The following TBC1D24 variants were observed in gnomAD, a reference collection of about 807,000 sequenced individuals.
The protein encoded by TBC1D24 is TBC1 domain family member 24.
TBC1D24 carries 47 observed loss-of-function variants against 50.7 expected under a neutral mutation model. That is an observed-to-expected ratio of 0.93 (90% CI 0.73 to 1.18). The LOEUF is 1.18. Among genes scored for constraint, TBC1D24 ranks in the 50% most tolerant of loss-of-function variants. The probability of loss-of-function intolerance (pLI) is 0.00; values close to 1 mark genes in which losing one functional copy is unlikely to be tolerated. For missense variants in TBC1D24, 688 were observed against 766.5 expected (o/e 0.90, Z 1.21); for synonymous variants, 324 against 335.2 (o/e 0.97, Z 0.36).
intron 1 of TBC1D24, among the ~76,000 whole-genome samples, chr16:2,488,526 G>A (rs182294757): frequency 0.014 from 1,775 of 129,616 alleles, 35 homozygotes; most frequent in African/African-American, 0.047. Flanking sequence ...TTTTTTGTGG[G>A]ATGGAGTCTC....
At chr16:2,494,391 G>A (rs1458437781) in intron 1 of TBC1D24, among the ~76,000 whole-genome samples, 2 of 149,434 alleles carry the variant, frequency 1.3e-5, no homozygotes, top group Non-Finnish European at 3.0e-5. Context: ...CAGCCCGTGC[G>A]ACAGTGCAAG....
At position 2,499,514 on chromosome 16, in the gene TBC1D24, TA is replaced by T; in HGVS notation, c.1206+95del. ...GCTGGCTCTGATGGGCTTCAGGGCCTAGGCCTCCTGGGCCAGATCCAGAGTC... is the reference window on the plus strand; with the variant it reads ...GCTGGCTCTGATGGGCTTCAGGGCCTGGCCTCCTGGGCCAGATCCAGAGTC... On this transcript the variant is annotated intron_variant, in intron 5 of 7. Coordinates refer to ENST00000646147, the MANE Select transcript of TBC1D24 (RefSeq NM_001199107.2). This position sits in a 1 kb window ranked among gnomAD's most constrained non-coding sequence, Gnocchi z 4.0. 1.7e-6 allele frequency: 2 copies of T among 1,158,460 alleles called. No individual in the cohort carries two copies. The highest frequency in any genetic ancestry group is 2.5e-6 in the Non-Finnish European group (2 of 787,890). 71.8% of individuals were successfully genotyped at this position (1,158,460 alleles called of 1,614,324 possible). A position where few individuals can be genotyped will look rare whatever the true frequency, so the allele number is the denominator to read the frequency against.
At position 2,486,863 on chromosome 16, in the gene TBC1D24, C is replaced by T. The variant is rs2141859752; in HGVS notation, c.-115-9171C>T. On this transcript the variant is annotated intron_variant, in intron 1 of 7. Coordinates refer to ENST00000646147, the MANE Select transcript of TBC1D24 (RefSeq NM_001199107.2). This position sits in a 1 kb window ranked among gnomAD's most constrained non-coding sequence, Gnocchi z 5.8. Reference sequence around the variant, plus strand: ...TGGCCTGGGCTCTGACTGCCACTGTCAGGCCACGGTCCTGTGGGATCCAAC... The same window carrying T: ...TGGCCTGGGCTCTGACTGCCACTGTTAGGCCACGGTCCTGTGGGATCCAAC... Among the ~76,000 whole-genome samples the T allele has an allele frequency of 6.6e-6, 1 of 152,370 alleles. No individual in the cohort carries two copies. The highest frequency in any genetic ancestry group is 2.4e-5 in the African/African-American group (1 of 41,592).
intron 1 of TBC1D24, among the ~76,000 whole-genome samples, chr16:2,476,202 C>A (rs955456843): frequency 6.6e-6 from 1 of 152,208 alleles, no homozygotes; most frequent in Non-Finnish European, 1.5e-5. Flanking sequence ...GCACGTGGGC[C>A]GTTTCCTCCA....
rs2065815043 is a variant in TBC1D24 at position 2,504,022 on chromosome 16, C to T, written c.*3064C>T. 1.3e-5 allele frequency: 2 copies of T among 152,100 alleles called. No homozygotes were observed. The highest frequency in any genetic ancestry group is 2.9e-5 in the Non-Finnish European group (2 of 68,010). 9.4% of individuals were successfully genotyped at this position (152,100 alleles called of 1,614,324 possible). On this transcript the variant is annotated 3_prime_UTR_variant, in exon 8 of 8. Coordinates refer to ENST00000646147, the MANE Select transcript of TBC1D24 (RefSeq NM_001199107.2). ...CAGAAAATCAGTTTAAGCAAAAGAACTTATGAGAGTAAGTCATTTGTACTT... is the reference window on the plus strand; with the variant it reads ...CAGAAAATCAGTTTAAGCAAAAGAATTTATGAGAGTAAGTCATTTGTACTT...
At chr16:2,484,556 T>C (rs1221349125) in intron 1 of TBC1D24, 2 of 152,470 alleles carry the variant, frequency 1.3e-5, no homozygotes, top group South Asian at 2.1e-4. Flanking sequence ...GACCTCACTG[T>C]CAGGTGACCG....
intron 1 of TBC1D24, among the ~76,000 whole-genome samples, chr16:2,488,233 A>AT (rs1191055102): frequency 6.6e-6 from 1 of 152,084 alleles, no homozygotes. Context: ...TGGAGTGAGG[A>AT]CATAGGCTGC....
In TBC1D24 at chr16:2,499,402, C is replaced by G. The variant is rs1387751971; in HGVS notation, c.1188C>G (p.Ile396Met). ...CEGHEPTLLL[I>M]KTTQKEVCGA... ...GACATGAGCCTACCCTCTTGCTCAT[C>G]AAGACCACGCAGAAGGAGGTGAGCA... Residue 396 changes from isoleucine (I) to methionine (M), a missense_variant, in exon 5 of 8, where the codon ATC (isoleucine) becomes ATG (methionine). Physicochemically the swap from Ile to Met is conservative, Grantham distance 10. Transcript: ENST00000646147. This position sits in a 1 kb window ranked among gnomAD's most constrained non-coding sequence, Gnocchi z 4.0. 4.3e-6 allele frequency: 7 copies of G among 1,613,556 alleles called. No individual in the cohort carries two copies. Among genetic ancestry groups the G allele is most frequent in the Non-Finnish European group, 5.9e-6 (7 of 1,179,900 alleles).
At position 2,502,259 on chromosome 16, in the gene TBC1D24, CCTT is replaced by C. The variant is rs960086338; in HGVS notation, c.*1302_*1304del. On this transcript the variant is annotated 3_prime_UTR_variant, in exon 8 of 8. Transcript: ENST00000646147. ...GGGCACTATAGGGGGCAGCCCCCTG[CCTT>C]GTGACCTCCCTCCATGCCCCATGAC... 10 of 152,416 alleles carry C rather than the reference CCTT, an allele frequency of 6.6e-5. No individual in the cohort carries two copies. The highest frequency in any genetic ancestry group is 2.2e-4 in the African/African-American group (9 of 41,474). 9.4% of individuals were successfully genotyped at this position (152,416 alleles called of 1,614,324 possible). A position where few individuals can be genotyped will look rare whatever the true frequency, so the allele number is the denominator to read the frequency against.
Position 2,500,358 on chromosome 16 carries a change from G to C in TBC1D24, c.1393G>C (p.Ala465Pro). 1.9e-6 allele frequency: 3 copies of C among 1,608,948 alleles called. No individual in the cohort carries two copies. The highest frequency in any genetic ancestry group is 2.5e-6 in the Non-Finnish European group (3 of 1,178,370). Reference sequence around the variant, plus strand: ...ACCCTTGATGGCTGCCGAGCCCACCGCCCCACTCAGCCACTCCGCCTCCTC... The same window carrying C: ...ACCCTTGATGGCTGCCGAGCCCACCCCCCCACTCAGCCACTCCGCCTCCTC... ...PPPLMAAEPT[A>P]PLSHSASSDP... Residue 465 changes from alanine (A) to proline (P), a missense_variant, in exon 7 of 8, where the codon GCC becomes CCC. Physicochemically the swap from Ala to Pro is conservative, Grantham distance 27 (BLOSUM62 -1). Coordinates refer to ENST00000646147, the MANE Select transcript of TBC1D24 (RefSeq NM_001199107.2). The surrounding 1 kb of genome is among the most constrained non-coding windows in gnomAD (Gnocchi z 8.0).
intron 1 of TBC1D24, 77 bp from the exon 2 acceptor site, chr16:2,495,957 C>A (rs996526840): frequency 1.4e-6 from 1 of 738,410 alleles, no homozygotes; most frequent in Non-Finnish European, 2.2e-6. Flanking sequence ...GAAAACTACA[C>A]CACATTTGAA....
rs1275607877 is a variant in TBC1D24, at chr16:2,483,494, G to A, written c.-116+8324G>A. On this transcript the variant is annotated intron_variant, in intron 1 of 7. Coordinates refer to ENST00000646147, the MANE Select transcript of TBC1D24 (RefSeq NM_001199107.2). The surrounding 1 kb of genome is among the most constrained non-coding windows in gnomAD (Gnocchi z 4.0). ...GGAGTCACAGCTCCGAGTGGGAGGA[G>A]GGCGCTGAGGGCTCTAGGAGAGGGT... is the stretch of plus-strand genomic sequence containing the variant. 1 of 152,536 alleles carries A rather than the reference G, an allele frequency of 6.6e-6. No individual in the cohort carries two copies. The highest frequency in any genetic ancestry group is 2.4e-5 in the African/African-American group (1 of 41,446). 9.4% of individuals were successfully genotyped at this position (152,536 alleles called of 1,614,324 possible).
At position 2,499,502 on chromosome 16, in the gene TBC1D24, G is replaced by C; in HGVS notation, c.1206+82G>C. The C allele has an allele frequency of 7.7e-7, 1 of 1,300,244 alleles. No homozygotes were observed. The highest frequency in any genetic ancestry group is 1.1e-6 in the Non-Finnish European group (1 of 912,356). The allele number at this position is 1,300,244 out of a possible 1,614,324, so 80.5% of individuals were successfully genotyped here. ...ATGGGCTCCAGGGCTGGCTCTGATG[G>C]GCTTCAGGGCCTAGGCCTCCTGGGC... On this transcript the variant is annotated intron_variant, in intron 5 of 7. Transcript: ENST00000646147. The surrounding 1 kb of genome is among the most constrained non-coding windows in gnomAD (Gnocchi z 4.0).
chr16:2,475,505 G>A lies in TBC1D24; in HGVS notation c.-116+335G>A, dbSNP rs987916798. ...GTGACTGTGTCACTGTTTCCTTGGGGCGCTTTCCGTCTCCGCAGGGTCGGA... is the reference window on the plus strand; with the variant it reads ...GTGACTGTGTCACTGTTTCCTTGGGACGCTTTCCGTCTCCGCAGGGTCGGA... On this transcript the variant is annotated intron_variant, in intron 1 of 7. Coordinates refer to ENST00000646147, the MANE Select transcript of TBC1D24 (RefSeq NM_001199107.2). This position sits in a 1 kb window ranked among gnomAD's most constrained non-coding sequence, Gnocchi z 4.2. 4.6e-5 allele frequency among the ~76,000 whole-genome samples: 7 copies of A among 152,004 alleles called. No individual in the cohort carries two copies. Among genetic ancestry groups the A allele is most frequent in the African/African-American group, 1.4e-4 (6 of 41,412 alleles).
At chr16:2,477,621 A>G (rs1258540003) in intron 1 of TBC1D24, 3 of 152,288 alleles carry the variant, frequency 2.0e-5, no homozygotes, top group Non-Finnish European at 2.9e-5. Context: ...AGGAGGCACC[A>G]TGCCGTGTGT....
rs561918188 is a variant in TBC1D24, at chr16:2,505,361, C to T, written c.*4403C>T. 6.6e-6 allele frequency: 1 copy of T among 152,270 alleles called. No individual in the cohort carries two copies. The highest frequency in any genetic ancestry group is 6.5e-5 in the Admixed American group (1 of 15,282). The allele number at this position is 152,270 out of a possible 1,614,324, so 9.4% of individuals were successfully genotyped here. A position where few individuals can be genotyped will look rare whatever the true frequency, so the allele number is the denominator to read the frequency against. ...AATTTGTCAACACCTTTTCTTGGGA[C>T]CAAGGAAGCAAAGTCAGTGGATACC... On this transcript the variant is annotated 3_prime_UTR_variant, in exon 8 of 8. Transcript: ENST00000646147.
At position 2,496,552 on chromosome 16, in the gene TBC1D24, C is replaced by T. The variant is rs1057519630; in HGVS notation, c.404C>T (p.Pro135Leu). ...GACATCTCCTTCTGCCCCGCCCTGC[C>T]GGCCGTGGTGGCCCTGCTGCTGCAC... ...FPDISFCPAL[P>L]AVVALLLHYS... The change falls in exon 2 of 8, where the codon CCG (proline) becomes CTG (leucine). Residue 135 changes from proline (P) to leucine (L), a missense_variant. Physicochemically the swap from Pro to Leu is moderately conservative, Grantham distance 98. Coordinates refer to ENST00000646147, the MANE Select transcript of TBC1D24 (RefSeq NM_001199107.2). The T allele has an allele frequency of 3.7e-6, 6 of 1,608,544 alleles. No homozygotes were observed. The highest frequency in any genetic ancestry group is 2.2e-5 in the South Asian group (2 of 91,084).
At position 2,498,261 on chromosome 16, in the gene TBC1D24, A is replaced by T; in HGVS notation, c.1007A>T (p.His336Leu). Reference protein sequence around the residue: ...SKRQFVHLAVHAENFRSEIVS... With the variant: ...SKRQFVHLAVLAENFRSEIVS... ...AGGCAGTTTGTACACTTGGCCGTCC[A>T]TGCAGAGAACTTCCGCTCGGAGATC... Residue 336 changes from histidine to leucine, a missense_variant, in exon 4 of 8, where the codon CAT (histidine) becomes CTT (leucine). By Grantham distance (99) the His-to-Leu change is moderately conservative. Coordinates refer to ENST00000646147, the MANE Select transcript of TBC1D24 (RefSeq NM_001199107.2). 1 of 1,611,232 alleles carries T rather than the reference A, an allele frequency of 6.2e-7. No individual in the cohort carries two copies. The highest frequency in any genetic ancestry group is 8.5e-7 in the Non-Finnish European group (1 of 1,178,718).
chr16:2,499,027 C>T lies in TBC1D24; in HGVS notation c.1143-330C>T, dbSNP rs778596231. ...CAGACCAGGGCCTCTTTGGCTCCCACATGCCTGGGCTGCGAGGATGGCCCA... is the reference window on the plus strand; with the variant it reads ...CAGACCAGGGCCTCTTTGGCTCCCATATGCCTGGGCTGCGAGGATGGCCCA... On this transcript the variant is annotated intron_variant, in intron 4 of 7. Coordinates refer to ENST00000646147, the MANE Select transcript of TBC1D24 (RefSeq NM_001199107.2). This position sits in a 1 kb window ranked among gnomAD's most constrained non-coding sequence, Gnocchi z 4.0. Among the ~76,000 whole-genome samples the T allele has an allele frequency of 1.3e-5, 2 of 152,250 alleles. No individual in the cohort carries two copies. The highest frequency in any genetic ancestry group is 2.9e-5 in the Non-Finnish European group (2 of 68,030).
Sources: gnomAD v4.1 joint callset for allele counts (sites outside exome capture counted in the v4.1 genomes callset) on GRCh38, gnomAD v4.1.1 for gene constraint, Gnocchi (gnomAD v3.1) non-coding constraint, MANE v1.5 for transcripts, NCBI Gene and HGNC (gene_info 2026-07-23, HGNC 2026-07-21) for gene names.